FBXO3: variants seen among roughly 807,000 people sequenced by gnomAD.
FBXO3 encodes the protein F-box protein 3, also known as F-box only protein 3.
FBXO3 carries 17 observed loss-of-function variants against 64.8 expected under a neutral mutation model. That is an observed-to-expected ratio of 0.26 (90% confidence interval 0.18 to 0.39). The LOEUF is 0.39. FBXO3 is among the 10% of genes least tolerant of loss of function. FBXO3 has a pLI of 1.00. For synonymous variants in FBXO3, 182 were observed against 201.6 expected, an observed-to-expected ratio of 0.90 and a Z score of 0.82; for missense variants, 420 against 589.9, an observed-to-expected ratio of 0.71 and a Z score of 2.98.
intron 1 of FBXO3, 178 bp downstream of exon 1, chr11:33,774,216 C>T (rs956410703): frequency 1.5e-5 from 9 of 586,962 alleles, no homozygotes; most frequent in Non-Finnish European, 2.7e-5. Context: ...GGGCGAGGCC[C>T]TTTCCGCCCC....
At chr11:33,766,988 C>CAA (rs67370716) in intron 3 of FBXO3, among the ~76,000 whole-genome samples, 2,228 of 54,598 alleles carry the variant, frequency 0.041, 15 homozygotes, top group Non-Finnish European at 0.07. Flanking sequence ...ATTCATGCAC[C>CAA]AAAAAAAAAA....
chr11:33,774,508 C>T lies in FBXO3; in HGVS notation c.-11G>A. ...CTCCATGGCCGCCATCTTGCCTGGC[C>T]CGGTGCAGGTCTGGCCCCGCCCTGG... On this transcript the variant is annotated 5_prime_UTR_variant, in exon 1 of 11. Coordinates refer to ENST00000265651, the MANE Select transcript of FBXO3 (RefSeq NM_012175.4). The T allele has an allele frequency of 6.6e-7, 1 of 1,526,260 alleles. No individual in the cohort carries two copies. Among genetic ancestry groups the T allele is most frequent in the South Asian group, 1.3e-5 (1 of 78,312 alleles). The allele number at this position is 1,526,260 out of a possible 1,614,324, so 94.5% of individuals were successfully genotyped here.
rs912368225 is a variant in FBXO3 at position 33,741,756 on chromosome 11, C to T, written c.*152G>A. The T allele has an allele frequency of 1.5e-6, 1 of 653,130 alleles. No homozygotes were observed. Among genetic ancestry groups the T allele is most frequent in the African/African-American group, 1.9e-5 (1 of 53,690 alleles). The allele number at this position is 653,130 out of a possible 1,614,324, so 40.5% of individuals were successfully genotyped here. ...AAAGCAAACCCAAACAATCCAATTC[C>T]TAATGTAGTGTCACATAGAACCCAG... On this transcript the variant is annotated 3_prime_UTR_variant, in exon 11 of 11. Transcript: ENST00000265651.
intron 3 of FBXO3, chr11:33,763,435 CAA>C: frequency 5.2e-6 from 1 of 192,518 alleles, no homozygotes; most frequent in Non-Finnish European, 1.1e-5. Context: ...TCCAGGAATA[CAA>C]AGTTGGTTTA....
chr11:33,755,796 T>C lies in FBXO3; in HGVS notation c.653A>G (p.Lys218Arg), dbSNP rs1307472982. Residue 218 changes from lysine to arginine, a missense_variant, in exon 5 of 11, where the codon AAA (lysine) becomes AGA (arginine). Around this residue, in one of 3 missense-constraint regions of FBXO3, gnomAD observed 337 missense variants for 518.4 expected, o/e 0.65. Transcript: ENST00000265651. ...IAVEAAEGRN[K>R]NEVFYQCPDQ... ...TGGACATTGGTAGAAAACTTCATTT[T>C]TGTTTCGGCCCTCTGCAGCTTCCAC... 2.5e-6 allele frequency: 4 copies of C among 1,613,976 alleles called. No homozygotes were observed. The highest frequency in any genetic ancestry group is 3.4e-6 in the Non-Finnish European group (4 of 1,180,026).
intron 4 of FBXO3, chr11:33,757,038 T>C (rs777678340): frequency 5.8e-6 from 3 of 518,910 alleles, no homozygotes; most frequent in Non-Finnish European, 1.2e-5. Flanking sequence ...CCCCCAAGAT[T>C]TGACTTCTGA....
chr11:33,747,361 C>T, intron 9 of FBXO3, 41 bp from the exon 10 acceptor site: 1 of 1,487,060 alleles, frequency 6.7e-7, no homozygotes, highest in Non-Finnish European at 9.3e-7. Flanking sequence ...GTATAAAATT[C>T]ATTTCTTTAT....
At chr11:33,768,123 G>A (rs539017411) in intron 3 of FBXO3, among the ~76,000 whole-genome samples, 3 of 151,652 alleles carry the variant, frequency 2.0e-5, no homozygotes, top group Non-Finnish European at 4.4e-5. Flanking sequence ...TAGCAAAACC[G>A]AACATCTATA....
intron 5 of FBXO3, among the ~76,000 whole-genome samples, 192 bp downstream of exon 5, chr11:33,755,579 A>G (rs1855076848): frequency 6.6e-6 from 1 of 152,184 alleles, no homozygotes. Flanking sequence ...CCAGTTTTTT[A>G]TGTCCAACTG....
At chr11:33,773,233 C>T (rs1313003661) in intron 1 of FBXO3, 1 of 152,138 alleles carries the variant, frequency 6.6e-6, no homozygotes, top group Non-Finnish European at 1.5e-5. Flanking sequence ...ATTACTCTGG[C>T]AGCAATCAAA....
At chr11:33,746,595 T>A in intron 10 of FBXO3, 1 of 691,840 alleles carries the variant, frequency 1.4e-6, no homozygotes, top group East Asian at 2.7e-5. Flanking sequence ...TTCATAACTT[T>A]CTTTAATCAT....
At position 33,741,925 on chromosome 11, in the gene FBXO3, A is replaced by C. The variant is rs1394759083; in HGVS notation, c.1399T>G (p.Cys467Gly). Residue 467 changes from cysteine to glycine, a missense_variant, in exon 11 of 11, where the codon TGC becomes GGC. By Grantham distance (159) the Cys-to-Gly change is radical. Transcript: ENST00000265651. ...VFDVPIRRRR[C>G]SRLF ...AAGGCTTGCTAAAAAAGGCGTGAGCAGCGGCGTCTGCGAATGGGAACATCA... is the reference window on the plus strand; with the variant it reads ...AAGGCTTGCTAAAAAAGGCGTGAGCCGCGGCGTCTGCGAATGGGAACATCA... 2.5e-6 allele frequency: 4 copies of C among 1,612,844 alleles called. No homozygotes were observed. Among genetic ancestry groups the C allele is most frequent in the Non-Finnish European group, 2.5e-6 (3 of 1,179,318 alleles).
At chr11:33,760,550 T>G (rs1174951643) in intron 3 of FBXO3, among the ~76,000 whole-genome samples, 1 of 151,816 alleles carries the variant, frequency 6.6e-6, no homozygotes, top group Non-Finnish European at 1.5e-5. Flanking sequence ...GAGACTGAGC[T>G]GGAAGGATTG....
intron 4 of FBXO3, among the ~76,000 whole-genome samples, chr11:33,756,861 A>G (rs543696915): frequency 1.3e-5 from 2 of 152,234 alleles, no homozygotes; most frequent in African/African-American, 4.8e-5. Flanking sequence ...AGCTGGAGCT[A>G]TAAGTGCATG....
At chr11:33,749,947 T>G (rs1854913230) in intron 8 of FBXO3, among the ~76,000 whole-genome samples, 1 of 152,038 alleles carries the variant, frequency 6.6e-6, no homozygotes, top group Non-Finnish European at 1.5e-5. Context: ...TATGCATGTA[T>G]GTGTATTTTA....
At chr11:33,760,372 G>C (rs916097927) in intron 3 of FBXO3, among the ~76,000 whole-genome samples, 1 of 152,194 alleles carries the variant, frequency 6.6e-6, no homozygotes, top group Non-Finnish European at 1.5e-5. Context: ...GCTGGACTCA[G>C]TGGCTCATGC....
chr11:33,756,068 C>T (rs1470596088), intron 4 of FBXO3, 93 bp from the exon 5 acceptor site: 1 of 938,220 alleles, frequency 1.1e-6, no homozygotes. Context: ...CCACTCACAA[C>T]TTTATAAGTA....
At chr11:33,744,145 T>C (rs1424016591) in intron 10 of FBXO3, 1 of 152,124 alleles carries the variant, frequency 6.6e-6, no homozygotes, top group African/African-American at 2.4e-5. Context: ...AATGAAGACT[T>C]TGAAATTCAG....
chr11:33,763,626 CAA>C (rs33923647), intron 3 of FBXO3, among the ~76,000 whole-genome samples: 9,216 of 102,946 alleles, frequency 0.09, 487 homozygotes, highest in East Asian at 0.22. Context: ...AGAATATCTA[CAA>C]AAAAAAAAAA....
Sources: gnomAD v4.1 joint callset for allele counts (sites outside exome capture counted in the v4.1 genomes callset) on GRCh38, gnomAD v4.1.1 for gene constraint, gnomAD v4.1.1 regional missense constraint, MANE v1.5 for transcripts, NCBI Gene and HGNC (gene_info 2026-07-23, HGNC 2026-07-21) for gene names.